The following CCBE1 variants were observed in gnomAD, a reference collection of about 807,000 sequenced individuals.
CCBE1 encodes the protein collagen and calcium-binding EGF domain-containing protein 1.
Under a neutral mutation model 50.0 loss-of-function variants are expected in CCBE1, and 37 were observed. That is an observed-to-expected ratio of 0.74 (90% CI 0.57 to 0.97). The LOEUF (loss-of-function observed/expected upper bound fraction) is 0.97. Ranked by LOEUF, CCBE1 falls within the 50% of genes least tolerant of loss-of-function variation. The probability of loss-of-function intolerance (pLI) is 0.00; values close to 1 mark genes in which losing one functional copy is unlikely to be tolerated. For synonymous variants in CCBE1, 234 were observed against 203.7 expected, an observed-to-expected ratio of 1.15 and a Z score of -1.27; for missense variants, 538 against 523.8, an observed-to-expected ratio of 1.03 and a Z score of -0.26.
chr18:59,536,221 C>T (rs966258960), intron 2 of CCBE1, among the ~76,000 whole-genome samples: 7 of 152,138 alleles, frequency 4.6e-5, no homozygotes, highest in African/African-American at 1.4e-4. Flanking sequence ...TATGAGCTTC[C>T]GTCTTCTCAT....
intron 2 of CCBE1, among the ~76,000 whole-genome samples, chr18:59,623,189 A>T (rs993843293): frequency 6.6e-6 from 1 of 151,964 alleles, no homozygotes; most frequent in African/African-American, 2.4e-5. Flanking sequence ...AAACTGCTCT[A>T]AAAAAAATCC....
At chr18:59,465,338 C>T (rs1911689953) in intron 5 of CCBE1, 1 of 128,478 alleles carries the variant, frequency 7.8e-6, no homozygotes, top group Admixed American at 8.4e-5. Context: ...CTTTCTCTTT[C>T]TTCTTCTCTC....
intron 2 of CCBE1, among the ~76,000 whole-genome samples, chr18:59,693,530 G>T (rs539714839): frequency 6.6e-6 from 1 of 152,166 alleles, no homozygotes; most frequent in South Asian, 2.1e-4. Context: ...ATCTTCTTTT[G>T]CCCAAAAGCC....
chr18:59,583,683 G>A (rs2053125954), intron 2 of CCBE1, among the ~76,000 whole-genome samples: 1 of 35,244 alleles, frequency 2.8e-5, no homozygotes, highest in Middle Eastern at 0.012. Flanking sequence ...GTGTGTGTGC[G>A]CGCGCGCGCG....
intron 2 of CCBE1, among the ~76,000 whole-genome samples, chr18:59,578,936 C>T (rs969029280): frequency 6.6e-6 from 1 of 151,980 alleles, no homozygotes; most frequent in African/African-American, 2.4e-5. Context: ...TATCCCAGGA[C>T]TTAAGGTATA....
At chr18:59,578,919 G>A (rs901217985) in intron 2 of CCBE1, among the ~76,000 whole-genome samples, 3 of 152,108 alleles carry the variant, frequency 2.0e-5, no homozygotes, top group Non-Finnish European at 4.4e-5. Flanking sequence ...TGCACATTCT[G>A]CACATGTATC....
At chr18:59,447,095 G>T (rs79614713) in intron 7 of CCBE1, among the ~76,000 whole-genome samples, 1 of 152,000 alleles carries the variant, frequency 6.6e-6, no homozygotes, top group Non-Finnish European at 1.5e-5. Flanking sequence ...TAGGATGTTC[G>T]GGATTTTCAT....
At position 59,466,738 on chromosome 18, in the gene CCBE1, C is replaced by G; in HGVS notation, c.553+1G>C. On this transcript the variant is annotated splice_donor_variant, in intron 5 of 10. Coordinates refer to ENST00000439986, the MANE Select transcript of CCBE1 (RefSeq NM_133459.4). LOFTEE classifies it high-confidence loss of function. ...GAGATATTTAGACTTGCCCTACTTA[C>G]CAGTGTCATTGGGATATTTGTCTCC... 1 of 1,611,544 alleles carries G rather than the reference C, an allele frequency of 6.2e-7. No individual in the cohort carries two copies. Among genetic ancestry groups the G allele is most frequent in the Non-Finnish European group, 8.5e-7 (1 of 1,178,958 alleles).
At chr18:59,630,271 CAAAA>C (rs34953722) in intron 2 of CCBE1, among the ~76,000 whole-genome samples, 1 of 139,806 alleles carries the variant, frequency 7.2e-6, no homozygotes, top group African/African-American at 2.6e-5. Flanking sequence ...GCCTTTTGGG[CAAAA>C]AAAAAAAAAA....
chr18:59,696,187 C>T (rs966899185), intron 2 of CCBE1, among the ~76,000 whole-genome samples: 3 of 152,020 alleles, frequency 2.0e-5, no homozygotes, highest in African/African-American at 7.2e-5. Flanking sequence ...ACTTTTTTGT[C>T]CAGAGGCCGT....
rs562848389 is a variant in CCBE1, at chr18:59,662,627, T to C, written c.212+34002A>G. ...ATGATGTAGAAGCCACAGGAATGCA[T>C]TGAAGGAGGCCATAATCTAACAGCA... On this transcript the variant is annotated intron_variant, in intron 2 of 10. Transcript: ENST00000439986. Among the ~76,000 whole-genome samples the C allele has an allele frequency of 4.2e-4, 64 of 152,302 alleles. 2 individuals are homozygous for C. The South Asian group carries it at 7.5e-3, about 18-fold the overall frequency.
Position 59,466,800 on chromosome 18 carries a change from G to A in CCBE1, c.492C>T (p.Gly164=). 6.2e-7 allele frequency: 1 copy of A among 1,613,820 alleles called. No individual in the cohort carries two copies. The highest frequency in any genetic ancestry group is 8.5e-7 in the Non-Finnish European group (1 of 1,179,916). ...LGSYRCECRE[G]YIREDDGKTC... ...TCTTCCCATCATCTTCCCGGATGTA[G>A]CCTTCCCGGCACTCGCAGCGGTAGC... Residue 164 remains glycine, a synonymous_variant, in exon 5 of 11, where the codon GGC becomes GGT. Coordinates refer to ENST00000439986, the MANE Select transcript of CCBE1 (RefSeq NM_133459.4).
intron 6 of CCBE1, among the ~76,000 whole-genome samples, chr18:59,452,988 G>A (rs1911013629): frequency 6.6e-6 from 1 of 152,094 alleles, no homozygotes; most frequent in South Asian, 2.1e-4. Flanking sequence ...TCTCCAGCAG[G>A]GTCTTTGAGG....
rs184534087 is a variant in CCBE1 at position 59,589,605 on chromosome 18, C to T, written c.212+107024G>A. On this transcript the variant is annotated intron_variant, in intron 2 of 10. Transcript: ENST00000439986. ...GGCCAGGAGATCGAGACCATCCTGG[C>T]TCACATGGTGAAACCCCGTCTCTAC... Among the ~76,000 whole-genome samples the T allele has an allele frequency of 2.0e-3, 304 of 152,100 alleles. 3 individuals carry two copies. The East Asian group carries it at 0.031, about 16-fold the overall frequency.
At chr18:59,544,189 C>G (rs974053140) in intron 2 of CCBE1, among the ~76,000 whole-genome samples, 18 of 152,108 alleles carry the variant, frequency 1.2e-4, no homozygotes, top group Non-Finnish European at 5.9e-5. Flanking sequence ...TTAATTGTAT[C>G]AGCCACATAG....
At chr18:59,534,380 A>G (rs1197678875) in intron 2 of CCBE1, among the ~76,000 whole-genome samples, 1 of 152,228 alleles carries the variant, frequency 6.6e-6, no homozygotes, top group East Asian at 1.9e-4. Context: ...TGACTTTAAA[A>G]TAAGTGGGAT....
chr18:59,464,733 A>G (rs984430718), intron 5 of CCBE1, among the ~76,000 whole-genome samples: 2 of 152,258 alleles, frequency 1.3e-5, no homozygotes, highest in Non-Finnish European at 2.9e-5. Flanking sequence ...CTTGCCAGGC[A>G]GCGGAAGCTG....
intron 2 of CCBE1, among the ~76,000 whole-genome samples, chr18:59,678,242 A>G (rs2054535016): frequency 2.0e-5 from 3 of 152,218 alleles, no homozygotes; most frequent in African/African-American, 7.2e-5. Context: ...CCAAAAGAAT[A>G]AGCCAGAAAG....
chr18:59,470,931 C>T (rs1373805954), intron 3 of CCBE1, among the ~76,000 whole-genome samples: 1 of 152,208 alleles, frequency 6.6e-6, no homozygotes, highest in East Asian at 1.9e-4. Flanking sequence ...TTGTAAAATA[C>T]TCCTTCCCAT....
Sources: allele counts gnomAD v4.1 joint callset (sites outside exome capture counted in the v4.1 genomes callset), GRCh38; gene constraint gnomAD v4.1.1; transcripts MANE v1.5; gene names NCBI Gene and HGNC (gene_info 2026-07-23, HGNC 2026-07-21).